The following FAM200B variants were observed in gnomAD, a reference collection of about 807,000 sequenced individuals.
FAM200B encodes the protein zinc finger BED-type containing 11.
In FAM200B, 32 loss-of-function variants were observed where a neutral mutation model predicts 33.1. That is an observed-to-expected ratio of 0.97 (90% confidence interval 0.73 to 1.30). FAM200B has a LOEUF of 1.30. Among genes scored for constraint, FAM200B ranks in the 50% most tolerant of loss-of-function variants. The pLI is 0.00. For missense variants in FAM200B, 741 were observed against 754.0 expected (o/e 0.98, Z 0.20); for synonymous variants, 240 against 264.8 (o/e 0.91, Z 0.91).
Position 15,688,925 on chromosome 4 carries a change from A to G in FAM200B, c.1948A>G (p.Met650Val). 1 of 1,522,200 alleles carries G rather than the reference A, an allele frequency of 6.6e-7. No individual in the cohort carries two copies. Among genetic ancestry groups the G allele is most frequent in the Non-Finnish European group, 8.9e-7 (1 of 1,129,556 alleles). 94.3% of individuals were successfully genotyped at this position (1,522,200 alleles called of 1,614,324 possible). The stretch of plus-strand genomic sequence containing the variant: ...CTGTGTTCCAGACTGGAATGAACTT[A>G]TGAACAGGCAAGCACACCCATCATA... ...SSCVPDWNEL[M>V]NRQAHPS The change falls in exon 2 of 2, where the codon ATG becomes GTG. Residue 650 changes from methionine to valine, a missense_variant. Coordinates refer to ENST00000422728, the MANE Select transcript of FAM200B (RefSeq NM_001145191.2).
At chr4:15,669,839 T>C in the FAM200B span, among the ~76,000 whole-genome samples, 15 of 152,332 alleles carry the variant, frequency 9.8e-5, no homozygotes, top group East Asian at 2.5e-3. Context: ...TTCAGCATTT[T>C]TTATGAACTA....
At chr4:15,642,136 G>C in the FAM200B span, among the ~76,000 whole-genome samples, 1 of 151,894 alleles carries the variant, frequency 6.6e-6, no homozygotes, top group East Asian at 1.9e-4. Flanking sequence ...CTAATTCTGG[G>C]CAATTCTAAG....
At chr4:15,685,726 G>T (rs568302406) in intron 1 of FAM200B, among the ~76,000 whole-genome samples, 2 of 152,114 alleles carry the variant, frequency 1.3e-5, no homozygotes, top group Non-Finnish European at 2.9e-5. Context: ...CAGTTAAGAC[G>T]TGGAAATTTT....
At chr4:15,671,463 G>C in the FAM200B span, among the ~76,000 whole-genome samples, 1 of 151,944 alleles carries the variant, frequency 6.6e-6, no homozygotes, top group Non-Finnish European at 1.5e-5. Flanking sequence ...TTAAGAGACA[G>C]GGTCTCTCCA....
At position 15,690,053 on chromosome 4, in the gene FAM200B, C is replaced by G. The variant is rs75806234; in HGVS notation, c.*1102C>G. On this transcript the variant is annotated 3_prime_UTR_variant, in exon 2 of 2. Coordinates refer to ENST00000422728, the MANE Select transcript of FAM200B (RefSeq NM_001145191.2). ...TAAATGAATCAATAATACCTAACAT[C>G]TCTAATTTGCAGTCATTCCCAAGAG... 1.2e-5 allele frequency: 2 copies of G among 167,184 alleles called. No individual in the cohort carries two copies. The highest frequency in any genetic ancestry group is 4.8e-5 in the African/African-American group (2 of 41,568). 10.4% of individuals were successfully genotyped at this position (167,184 alleles called of 1,614,324 possible).
the FAM200B span, among the ~76,000 whole-genome samples, chr4:15,674,794 C>G: frequency 1.2e-4 from 18 of 152,012 alleles, no homozygotes; most frequent in Non-Finnish European, 1.6e-4. Flanking sequence ...GGACTACAGG[C>G]GCATGCCACC....
At chr4:15,653,709 G>A in the FAM200B span, among the ~76,000 whole-genome samples, 3 of 152,054 alleles carry the variant, frequency 2.0e-5, no homozygotes, top group Non-Finnish European at 4.4e-5. Flanking sequence ...AGCCAGAGAG[G>A]ATAAAAACAC....
At chr4:15,675,097 T>C in the FAM200B span, among the ~76,000 whole-genome samples, 1 of 152,192 alleles carries the variant, frequency 6.6e-6, no homozygotes, top group Non-Finnish European at 1.5e-5. Context: ...ATGAAGCAAC[T>C]GTAAGGTATT....
the FAM200B span, chr4:15,644,760 A>G: frequency 7.7e-7 from 1 of 1,297,546 alleles, no homozygotes; most frequent in Non-Finnish European, 1.1e-6. Flanking sequence ...AAATATGCAC[A>G]AATAAAAAAT....
In FAM200B at chr4:15,688,960, A is replaced by G. The variant is rs1719162527; in HGVS notation, c.*9A>G. The G allele has an allele frequency of 2.8e-6, 4 of 1,411,802 alleles. No individual in the cohort carries two copies. The East Asian group carries it at 1.0e-4, about 37-fold the overall frequency. 87.5% of individuals were successfully genotyped at this position (1,411,802 alleles called of 1,614,324 possible). On this transcript the variant is annotated 3_prime_UTR_variant, in exon 2 of 2. Coordinates refer to ENST00000422728, the MANE Select transcript of FAM200B (RefSeq NM_001145191.2). ...AAGCACACCCATCATAGTAAATAAA[A>G]ATCTTACCTAGCTTTTGTCTTTGTA... is the stretch of plus-strand genomic sequence containing the variant.
At chr4:15,675,572 ATTTTTTTTTTT>A in the FAM200B span, among the ~76,000 whole-genome samples, 4 of 96,682 alleles carry the variant, frequency 4.1e-5, no homozygotes, top group East Asian at 6.3e-4. Flanking sequence ...CAAAACTCCT[ATTTTTTTTTTT>A]TTTTTTTTTT....
the FAM200B span, chr4:15,655,456 T>G: frequency 1.1e-6 from 1 of 904,108 alleles, no homozygotes; most frequent in East Asian, 1.2e-4. Flanking sequence ...GCCGCCGCCA[T>G]GCGATCCCTG....
the FAM200B span, chr4:15,638,707 A>T: frequency 6.6e-7 from 1 of 1,516,874 alleles, no homozygotes; most frequent in South Asian, 1.2e-5. Flanking sequence ...AAATTAAACA[A>T]AATATTCACG....
chr4:15,651,604 G>C, the FAM200B span, among the ~76,000 whole-genome samples: 2 of 152,076 alleles, frequency 1.3e-5, no homozygotes, highest in Non-Finnish European at 2.9e-5. Context: ...AAGGAAAACT[G>C]ACAATAAAGC....
chr4:15,642,674 T>C, the FAM200B span, among the ~76,000 whole-genome samples: 1 of 152,232 alleles, frequency 6.6e-6, no homozygotes, highest in African/African-American at 2.4e-5. Context: ...ACATTTTCCC[T>C]AAGCATATCC....
chr4:15,681,668 A>T, upstream of FAM200B: 1 of 152,564 alleles, frequency 6.6e-6, no homozygotes, highest in Non-Finnish European at 1.5e-5. Context: ...GAGCGTAGGG[A>T]AGTGGAAAAG....
At chr4:15,674,311 T>C in the FAM200B span, among the ~76,000 whole-genome samples, 592 of 152,164 alleles carry the variant, frequency 3.9e-3, 7 homozygotes, top group African/African-American at 0.014. Flanking sequence ...AGTACCGCTA[T>C]TGGTACTTTT....
the FAM200B span, among the ~76,000 whole-genome samples, chr4:15,647,992 G>T: frequency 6.6e-6 from 1 of 152,146 alleles, no homozygotes; most frequent in Non-Finnish European, 1.5e-5. Context: ...CGAATAGCTG[G>T]AACTACAGGT....
the FAM200B span, among the ~76,000 whole-genome samples, chr4:15,659,314 T>C: frequency 6.6e-6 from 1 of 152,216 alleles, no homozygotes. Context: ...TTCAGTAATA[T>C]ACATATATGG....
Sources: allele counts gnomAD v4.1 joint callset (sites outside exome capture counted in the v4.1 genomes callset), GRCh38; gene constraint gnomAD v4.1.1; transcripts MANE v1.5; gene names NCBI Gene and HGNC (gene_info 2026-07-23, HGNC 2026-07-21).